USH2A: variants seen among roughly 807,000 people sequenced by gnomAD.
USH2A encodes usherin.
USH2A carries 443 observed loss-of-function variants against 538.9 expected under a neutral mutation model. The ratio of observed to expected loss-of-function variants is 0.82; its 90% CI spans 0.76 to 0.89. USH2A has a LOEUF of 0.89. USH2A is among the 40% of genes least tolerant of loss of function. The pLI, the probability that USH2A is intolerant of heterozygous loss-of-function variation, is 0.00. For synonymous variants in USH2A, 2,413 were observed against 2,273.5 expected (o/e 1.06, Z -1.75); for missense variants, 6,633 against 6,324.8 (o/e 1.05, Z -1.65).
intron 47 of USH2A, among the ~76,000 whole-genome samples, chr1:215,832,885 C>T (rs777361177): frequency 8.6e-5 from 13 of 151,838 alleles, no homozygotes; most frequent in Non-Finnish European, 1.3e-4. Flanking sequence ...TGGATGTAAG[C>T]TCACTATTCC....
At chr1:215,638,327 G>C (rs1439731117) in intron 69 of USH2A, among the ~76,000 whole-genome samples, 1 of 152,136 alleles carries the variant, frequency 6.6e-6, no homozygotes, top group Non-Finnish European at 1.5e-5. Flanking sequence ...GGCATTTTAA[G>C]AGTACATTCT....
intron 35 of USH2A, among the ~76,000 whole-genome samples, chr1:215,975,652 C>G (rs984834587): frequency 2.6e-5 from 4 of 152,128 alleles, no homozygotes; most frequent in Middle Eastern, 3.2e-3. Context: ...TCTAGATTCT[C>G]TTTTCTGTTC....
chr1:216,338,048 C>T (rs2038007128), intron 4 of USH2A, among the ~76,000 whole-genome samples: 1 of 150,994 alleles, frequency 6.6e-6, no homozygotes, highest in Admixed American at 6.6e-5. Context: ...ATACTATGAT[C>T]ATGGATGAAA....
At chr1:216,091,056 G>A (rs1483015801) in intron 22 of USH2A, among the ~76,000 whole-genome samples, 2 of 152,086 alleles carry the variant, frequency 1.3e-5, no homozygotes, top group Non-Finnish European at 2.9e-5. Context: ...ATTACCTACA[G>A]CCTCAGCATG....
chr1:215,793,567 TC>T (rs1186049612), intron 50 of USH2A, among the ~76,000 whole-genome samples: 1 of 145,250 alleles, frequency 6.9e-6, no homozygotes, highest in Non-Finnish European at 1.5e-5. Context: ...ATTACACTTT[TC>T]AAAAAAAAAA....
intron 61 of USH2A, among the ~76,000 whole-genome samples, chr1:215,712,315 G>A (rs1160660853): frequency 6.6e-6 from 1 of 152,214 alleles, no homozygotes; most frequent in Non-Finnish European, 1.5e-5. Flanking sequence ...AAAGTTTATA[G>A]GACAATCTCA....
intron 47 of USH2A, among the ~76,000 whole-genome samples, chr1:215,830,915 T>C (rs566188672): frequency 6.6e-6 from 1 of 152,308 alleles, no homozygotes; most frequent in Non-Finnish European, 1.5e-5. Context: ...AACCAGTTGG[T>C]AACCTGCTGA....
intron 44 of USH2A, among the ~76,000 whole-genome samples, 155 bp downstream of exon 44, chr1:215,866,849 GTTT>G (rs889490181): frequency 6.6e-6 from 1 of 152,128 alleles, no homozygotes; most frequent in African/African-American, 2.4e-5. Flanking sequence ...CCCTTCTAAA[GTTT>G]TCAATGACAG....
At chr1:216,273,129 T>C (rs922758422) in intron 11 of USH2A, among the ~76,000 whole-genome samples, 4 of 152,088 alleles carry the variant, frequency 2.6e-5, no homozygotes, top group Admixed American at 1.3e-4. Flanking sequence ...CTGCATGGCA[T>C]TAGCCCCTGT....
chr1:215,790,062 C>T lies in USH2A; in HGVS notation c.10179G>A (p.Met3393Ile). 1.9e-6 allele frequency: 3 copies of T among 1,613,138 alleles called. No homozygotes were observed. The highest frequency in any genetic ancestry group is 1.1e-5 in the South Asian group (1 of 91,058). Residue 3393 changes from methionine to isoleucine, a missense_variant, in exon 51 of 72, where the codon ATG becomes ATA. By Grantham distance (10) the Met-to-Ile change is conservative (BLOSUM62 1). Transcript: ENST00000307340. ...CGAGAGCTTTTCTATCAATTACCTT[C>T]ATCATCATTCCAGTTGAAATCTTGT... ...CSDKISTGMM[M>I]KETKECRILC... is the part of the protein sequence containing the mutation.
At chr1:215,965,223 G>A (rs754467160) in intron 37 of USH2A, 94 bp downstream of exon 37, 22 of 1,382,704 alleles carry the variant, frequency 1.6e-5, no homozygotes, top group Non-Finnish European at 2.2e-5. Context: ...AACATCTGTG[G>A]CTAAAAGAAA....
chr1:216,097,079 T>C lies in USH2A; in HGVS notation c.4758+4A>G, dbSNP rs1303275626. Reference sequence around the variant, plus strand: ...AATATTAAAGTTTATGATTTCTCATTTACCTGAGGATCAAAAAGAAAATAA... The same window carrying C: ...AATATTAAAGTTTATGATTTCTCATCTACCTGAGGATCAAAAAGAAAATAA... On this transcript the variant is annotated splice_donor_region_variant and intron_variant, in intron 22 of 71. Transcript: ENST00000307340. The C allele has an allele frequency of 9.9e-6, 16 of 1,613,188 alleles. No individual in the cohort carries two copies. Among genetic ancestry groups the C allele is most frequent in the Non-Finnish European group, 1.4e-5 (16 of 1,179,590 alleles).
chr1:215,852,043 G>A (rs934786581), intron 44 of USH2A, among the ~76,000 whole-genome samples: 7 of 152,122 alleles, frequency 4.6e-5, no homozygotes, highest in African/African-American at 7.2e-5. Flanking sequence ...ATACTTTAAT[G>A]TAATAAAAGT....
intron 38 of USH2A, among the ~76,000 whole-genome samples, chr1:215,920,308 A>G (rs1416629172): frequency 6.6e-6 from 1 of 152,062 alleles, no homozygotes; most frequent in African/African-American, 2.4e-5. Flanking sequence ...TTGATCCTCA[A>G]ATTAGTCCTC....
intron 3 of USH2A, among the ~76,000 whole-genome samples, chr1:216,412,755 C>T (rs1287681408): frequency 6.6e-6 from 1 of 150,600 alleles, no homozygotes; most frequent in African/African-American, 2.4e-5. Context: ...TTATTTAGAT[C>T]TGCTCAGTGA....
chr1:215,700,731 T>C (rs12146033), intron 61 of USH2A, among the ~76,000 whole-genome samples: 27,155 of 152,070 alleles, frequency 0.18, 2,586 homozygotes, highest in Non-Finnish European at 0.21. Context: ...GCAGTCTATT[T>C]ATTTTGTTAA....
At position 216,323,662 on chromosome 1, in the gene USH2A, A is replaced by T; in HGVS notation, c.1362T>A (p.Phe454Leu). 1 of 1,613,600 alleles carries T rather than the reference A, an allele frequency of 6.2e-7. No homozygotes were observed. The highest frequency in any genetic ancestry group is 8.5e-7 in the Non-Finnish European group (1 of 1,179,702). Reference sequence around the variant, plus strand: ...AATTTGGTCCAGGTGTCAGGATGCTAAATGTGACATTGCCACGGGAATATG... The same window carrying T: ...AATTTGGTCCAGGTGTCAGGATGCTTAATGTGACATTGCCACGGGAATATG... ...FTPYSRGNVT[F>L]SILTPGPNYR... Residue 454 changes from phenylalanine to leucine, a missense_variant, in exon 8 of 72, where the codon TTT becomes TTA. Transcript: ENST00000307340.
At chr1:215,773,453 C>T (rs961244517) in intron 55 of USH2A, among the ~76,000 whole-genome samples, 10 of 151,448 alleles carry the variant, frequency 6.6e-5, no homozygotes, top group Non-Finnish European at 1.3e-4. Context: ...TGCTTTGGTC[C>T]GCTGCCTCCC....
At chr1:216,113,717 T>C (rs1204911166) in intron 21 of USH2A, among the ~76,000 whole-genome samples, 1 of 152,046 alleles carries the variant, frequency 6.6e-6, no homozygotes, top group South Asian at 2.1e-4. Context: ...TTTTAAATGT[T>C]ATTTTTAAAT....
Sources: gnomAD v4.1 joint callset for allele counts (sites outside exome capture counted in the v4.1 genomes callset) on GRCh38, gnomAD v4.1.1 for gene constraint, MANE v1.5 for transcripts, NCBI Gene and HGNC (gene_info 2026-07-23, HGNC 2026-07-21) for gene names.